The following ZNF804A variants were observed in gnomAD, a reference collection of about 807,000 sequenced individuals.
ZNF804A encodes zinc finger protein 804A.
In ZNF804A, 2 loss-of-function variants were observed where a neutral mutation model predicts 16.5. The ratio of observed to expected loss-of-function variants is 0.12; its 90% confidence interval spans 0.05 to 0.38. The LOEUF is 0.38. ZNF804A is among the 10% of genes least tolerant of loss of function. ZNF804A has a pLI of 0.99. For missense variants in ZNF804A, 1,473 were observed against 1,390.7 expected (o/e 1.06, Z -0.94); for synonymous variants, 534 against 489.6 (o/e 1.09, Z -1.20).
At chr2:184,694,609 C>T (rs1395390018) in intron 1 of ZNF804A, among the ~76,000 whole-genome samples, 1 of 152,014 alleles carries the variant, frequency 6.6e-6, no homozygotes, top group Non-Finnish European at 1.5e-5. Flanking sequence ...AGAAGCAGAA[C>T]CTGAGACAAA....
intron 1 of ZNF804A, among the ~76,000 whole-genome samples, chr2:184,671,297 C>A (rs561685452): frequency 6.6e-6 from 1 of 152,154 alleles, no homozygotes; most frequent in African/African-American, 2.4e-5. Flanking sequence ...TGTTTAGAAC[C>A]TTTCAATAGT....
In ZNF804A at chr2:184,847,309, G is replaced by A. The variant is rs146702525; in HGVS notation, c.112-19060G>A. ...TTTTAAAGACCTTACATCTAAATGCGTGTTTTTAGTAAAATTCTGTTCAGT... is the reference window on the plus strand; with the variant it reads ...TTTTAAAGACCTTACATCTAAATGCATGTTTTTAGTAAAATTCTGTTCAGT... On this transcript the variant is annotated intron_variant, in intron 1 of 3. Transcript: ENST00000302277. Among the ~76,000 whole-genome samples, 15 of 152,102 alleles carry A rather than the reference G, an allele frequency of 9.9e-5. No homozygotes were observed. In the East Asian group the frequency reaches 2.7e-3, roughly 28 times the overall value.
chr2:184,895,183 T>G (rs1028274883), intron 2 of ZNF804A, among the ~76,000 whole-genome samples: 1 of 151,792 alleles, frequency 6.6e-6, no homozygotes, highest in Admixed American at 6.6e-5. Context: ...GAAGCATCGG[T>G]CTTTTTATGC....
At chr2:184,932,574 G>A (rs1161714396) in intron 2 of ZNF804A, among the ~76,000 whole-genome samples, 1 of 152,030 alleles carries the variant, frequency 6.6e-6, no homozygotes, top group Non-Finnish European at 1.5e-5. Context: ...TGGGAATTAT[G>A]GATGCTACAA....
chr2:184,800,470 A>T (rs552761822), intron 1 of ZNF804A, among the ~76,000 whole-genome samples: 1 of 151,606 alleles, frequency 6.6e-6, no homozygotes, highest in South Asian at 2.1e-4. Context: ...TATCTCCCAC[A>T]TTAAGTTGCA....
At chr2:184,734,568 T>A (rs778841780) in intron 1 of ZNF804A, among the ~76,000 whole-genome samples, 2 of 152,298 alleles carry the variant, frequency 1.3e-5, no homozygotes, top group African/African-American at 4.8e-5. Flanking sequence ...TTTGTTGAAG[T>A]GTGTTTTATT....
chr2:184,634,162 A>C (rs1259374100), intron 1 of ZNF804A, among the ~76,000 whole-genome samples: 1 of 152,240 alleles, frequency 6.6e-6, no homozygotes, highest in African/African-American at 2.4e-5. Flanking sequence ...AATCACATAG[A>C]TCAATGCAAT....
At chr2:184,725,252 T>C (rs1221602587) in intron 1 of ZNF804A, among the ~76,000 whole-genome samples, 2 of 151,766 alleles carry the variant, frequency 1.3e-5, no homozygotes, top group East Asian at 1.9e-4. Context: ...TACTGAAGCA[T>C]GTAAGAGTTG....
chr2:184,820,973 C>A (rs1450061208), intron 1 of ZNF804A, among the ~76,000 whole-genome samples: 1 of 151,816 alleles, frequency 6.6e-6, no homozygotes, highest in African/African-American at 2.4e-5. Context: ...ATCAATATGG[C>A]AAAAATTGCC....
rs143355748 is a variant in ZNF804A at position 184,821,284 on chromosome 2, G to A, written c.112-45085G>A. On this transcript the variant is annotated intron_variant, in intron 1 of 3. Transcript: ENST00000302277. ...GCACACCTACAACCGTCTGAGCTGTGACAAACCTGACAAAAACAAGCAATG... is the reference window on the plus strand; with the variant it reads ...GCACACCTACAACCGTCTGAGCTGTAACAAACCTGACAAAAACAAGCAATG... 2.5e-3 allele frequency among the ~76,000 whole-genome samples: 384 copies of A among 152,162 alleles called. 1 individual carries two copies. The highest frequency in any genetic ancestry group is 6.8e-3 in the Middle Eastern group (2 of 294).
intron 2 of ZNF804A, among the ~76,000 whole-genome samples, chr2:184,926,307 C>G (rs1228620014): frequency 1.3e-5 from 2 of 150,964 alleles, no homozygotes; most frequent in African/African-American, 2.4e-5. Flanking sequence ...TCCTTAAGCA[C>G]TTTAAATACA....
At chr2:184,879,375 C>T (rs1251927597) in intron 2 of ZNF804A, among the ~76,000 whole-genome samples, 2 of 151,922 alleles carry the variant, frequency 1.3e-5, no homozygotes, top group African/African-American at 4.8e-5. Context: ...AGTTTTCAAC[C>T]TCATTTCCAA....
chr2:184,901,629 T>C (rs1037077605), intron 2 of ZNF804A, among the ~76,000 whole-genome samples: 5 of 152,110 alleles, frequency 3.3e-5, no homozygotes, highest in South Asian at 2.1e-4. Context: ...AGTGCATCAA[T>C]AGTTTGTCAT....
chr2:184,670,188 T>C (rs979770712), intron 1 of ZNF804A, among the ~76,000 whole-genome samples: 2 of 152,116 alleles, frequency 1.3e-5, no homozygotes, highest in African/African-American at 2.4e-5. Context: ...TTTTTCTGTC[T>C]GATAGCTCTA....
At chr2:184,705,481 T>C (rs1693009851) in intron 1 of ZNF804A, among the ~76,000 whole-genome samples, 3 of 152,292 alleles carry the variant, frequency 2.0e-5, no homozygotes, top group Non-Finnish European at 4.4e-5. Context: ...CAGAATATAT[T>C]CTCATTTTCA....
At position 184,676,300 on chromosome 2, in the gene ZNF804A, T is replaced by G. The variant is rs1692432128; in HGVS notation, c.111+77230T>G. Among the ~76,000 whole-genome samples the G allele has an allele frequency of 2.0e-5, 3 of 151,408 alleles. 1 individual carries two copies. Among genetic ancestry groups the G allele is most frequent in the Admixed American group, 2.0e-4 (3 of 15,218 alleles). ...GATATAGATATCTTGCTTCACTTTT[T>G]TTTTTCCAAATCTTAAAAGTCAAAC... On this transcript the variant is annotated intron_variant, in intron 1 of 3. Coordinates refer to ENST00000302277, the MANE Select transcript of ZNF804A (RefSeq NM_194250.2).
intron 2 of ZNF804A, among the ~76,000 whole-genome samples, chr2:184,904,887 A>G (rs980121873): frequency 3.3e-5 from 5 of 152,122 alleles, no homozygotes; most frequent in Non-Finnish European, 5.9e-5. Context: ...ATTCACCAAC[A>G]TTAAGTATTA....
At chr2:184,830,753 C>A (rs1284107556) in intron 1 of ZNF804A, among the ~76,000 whole-genome samples, 3 of 152,014 alleles carry the variant, frequency 2.0e-5, no homozygotes, top group Non-Finnish European at 4.4e-5. Context: ...TAATGAGTCA[C>A]CTTCCTCCTC....
intron 1 of ZNF804A, among the ~76,000 whole-genome samples, chr2:184,664,883 G>A (rs139345250): frequency 1.3e-5 from 2 of 152,144 alleles, no homozygotes; most frequent in South Asian, 4.1e-4. Flanking sequence ...ATTAACTAAT[G>A]CAATAATTGG....
Sources: allele counts gnomAD v4.1 joint callset (sites outside exome capture counted in the v4.1 genomes callset), GRCh38; gene constraint gnomAD v4.1.1; transcripts MANE v1.5; gene names NCBI Gene and HGNC (gene_info 2026-07-23, HGNC 2026-07-21).